ZEB1: variants seen among roughly 807,000 people sequenced by gnomAD.
The protein encoded by ZEB1 is zinc finger E-box binding homeobox 1.
In ZEB1, 21 loss-of-function variants were observed where a neutral mutation model predicts 84.9. The observed-to-expected ratio is 0.25, with a 90% CI of 0.18 to 0.36. The LOEUF (loss-of-function observed/expected upper bound fraction) is 0.36. Among genes scored for constraint, ZEB1 ranks in the 10% least tolerant of loss-of-function variants. ZEB1 has a pLI of 1.00. For synonymous variants in ZEB1, 420 were observed against 471.1 expected (o/e 0.89, Z 1.41); for missense variants, 1,104 against 1,330.2 (o/e 0.83, Z 2.65).
At chr10:31,511,444 C>G (rs2070004746) in intron 5 of ZEB1, among the ~76,000 whole-genome samples, 1 of 151,776 alleles carries the variant, frequency 6.6e-6, no homozygotes, top group Non-Finnish European at 1.5e-5. Flanking sequence ...GTCACTGTGC[C>G]CCAGTTTTCA....
At chr10:31,335,174 T>G (rs1356622408) in intron 1 of ZEB1, among the ~76,000 whole-genome samples, 1 of 152,042 alleles carries the variant, frequency 6.6e-6, no homozygotes, top group Non-Finnish European at 1.5e-5. Flanking sequence ...AATGGAAAAT[T>G]CAAGAAATAA....
chr10:31,456,271 T>G (rs2061213735), intron 1 of ZEB1, among the ~76,000 whole-genome samples: 1 of 152,038 alleles, frequency 6.6e-6, no homozygotes, highest in Non-Finnish European at 1.5e-5. Context: ...GGTGGGGGTC[T>G]AGGGGAGAAT....
intron 1 of ZEB1, among the ~76,000 whole-genome samples, chr10:31,322,960 T>G (rs569062942): frequency 7.2e-5 from 11 of 152,250 alleles, no homozygotes; most frequent in African/African-American, 2.2e-4. Context: ...ATTGGGACCT[T>G]CAGTATAATT....
chr10:31,382,552 C>T (rs561800011), intron 1 of ZEB1, among the ~76,000 whole-genome samples: 2 of 152,132 alleles, frequency 1.3e-5, no homozygotes, highest in South Asian at 4.2e-4. Context: ...TAGTACTATT[C>T]AGTGATATGT....
chr10:31,510,919 C>T (rs1343200657), intron 5 of ZEB1, 44 bp downstream of exon 5: 1 of 1,573,662 alleles, frequency 6.4e-7, no homozygotes, highest in Non-Finnish European at 8.7e-7. Flanking sequence ...CAGATTTTGA[C>T]AACTCAGCCC....
intron 1 of ZEB1, among the ~76,000 whole-genome samples, chr10:31,324,666 A>G (rs1385895202): frequency 6.6e-6 from 1 of 152,094 alleles, no homozygotes; most frequent in African/African-American, 2.4e-5. Context: ...GTGGAAATGC[A>G]TGCTCTTTAT....
At position 31,446,639 on chromosome 10, in the gene ZEB1, T is replaced by C. The variant is rs369194233; in HGVS notation, c.59-14398T>C. 2.3e-3 allele frequency among the ~76,000 whole-genome samples: 346 copies of C among 152,044 alleles called. 1 individual carries two copies. Among genetic ancestry groups the C allele is most frequent in the Non-Finnish European group, 3.9e-3 (266 of 67,948 alleles). On this transcript the variant is annotated intron_variant, in intron 1 of 8. Coordinates refer to ENST00000424869, the MANE Select transcript of ZEB1 (RefSeq NM_001174096.2). ...CTTTGTTCTCGTTGGTTTCAAAGAA[T>C]ATCTTTATTTCTGCCTTCATTTCGT... is the stretch of plus-strand genomic sequence containing the variant.
chr10:31,400,464 A>G (rs548005576), intron 1 of ZEB1, among the ~76,000 whole-genome samples: 1 of 152,180 alleles, frequency 6.6e-6, no homozygotes, highest in South Asian at 2.1e-4. Flanking sequence ...TCTTTTTTGC[A>G]CAGATCCTTA....
intron 8 of ZEB1, among the ~76,000 whole-genome samples, chr10:31,525,462 C>A (rs2073244847): frequency 6.6e-6 from 1 of 152,094 alleles, no homozygotes; most frequent in African/African-American, 2.4e-5. Context: ...TTGCAGAATT[C>A]CTGAAAATTT....
chr10:31,444,096 A>AGTTAGAC (rs2059428825), intron 1 of ZEB1, among the ~76,000 whole-genome samples: 2 of 151,248 alleles, frequency 1.3e-5, no homozygotes, highest in Non-Finnish European at 2.9e-5. Flanking sequence ...CTTTTTAATG[A>AGTTAGAC]CTGCCATTCT....
At chr10:31,363,217 A>C in intron 1 of ZEB1, 5 of 1,533,994 alleles carry the variant, frequency 3.3e-6, no homozygotes, top group Non-Finnish European at 4.4e-6. Flanking sequence ...CAGCACCTTC[A>C]AGGCCGCCTT....
chr10:31,507,465 A>G (rs982548351), intron 4 of ZEB1, among the ~76,000 whole-genome samples: 1 of 152,064 alleles, frequency 6.6e-6, no homozygotes, highest in African/African-American at 2.4e-5. Context: ...AACACATCAA[A>G]AATTCGAATA....
intron 2 of ZEB1, among the ~76,000 whole-genome samples, chr10:31,475,853 A>G (rs2064084393): frequency 6.6e-6 from 1 of 152,144 alleles, no homozygotes; most frequent in Non-Finnish European, 1.5e-5. Flanking sequence ...TAGAAACCTC[A>G]AAGATCCAAT....
intron 2 of ZEB1, among the ~76,000 whole-genome samples, chr10:31,471,998 G>A (rs550730269): frequency 1.1e-4 from 16 of 143,132 alleles, no homozygotes; most frequent in South Asian, 4.3e-4. Flanking sequence ...AAATAAAGAT[G>A]TTCTTTGAAA....
chr10:31,467,943 G>C (rs572236541), intron 2 of ZEB1, among the ~76,000 whole-genome samples: 1 of 152,270 alleles, frequency 6.6e-6, no homozygotes, highest in East Asian at 1.9e-4. Flanking sequence ...AATTGGGCCG[G>C]CTGCCAGGGT....
chr10:31,521,819 G>T lies in ZEB1; in HGVS notation c.2487G>T (p.Ala829=), dbSNP rs201567879. 1 of 1,613,492 alleles carries T rather than the reference G, an allele frequency of 6.2e-7. No individual in the cohort carries two copies. Among genetic ancestry groups the T allele is most frequent in the Non-Finnish European group, 8.5e-7 (1 of 1,179,776 alleles). ...AGAACAGTGTTCCATGCTTAAGAGCGCTAGCTGCCAATAAGCAAACGATTC... is the reference window on the plus strand; with the variant it reads ...AGAACAGTGTTCCATGCTTAAGAGCTCTAGCTGCCAATAAGCAAACGATTC... ...ADQNSVPCLR[A]LAANKQTILI... is the part of the protein sequence containing the mutation. The change falls in exon 7 of 9, where the codon GCG becomes GCT. Residue 829 remains alanine, a synonymous_variant. Transcript: ENST00000424869.
intron 1 of ZEB1, among the ~76,000 whole-genome samples, chr10:31,387,449 C>G (rs1323690946): frequency 6.6e-6 from 1 of 152,074 alleles, no homozygotes; most frequent in Non-Finnish European, 1.5e-5. Context: ...TGAAGCATGT[C>G]CTGGGGATGT....
At chr10:31,464,894 CAAAA>C (rs963211834) in intron 2 of ZEB1, among the ~76,000 whole-genome samples, 1 of 151,950 alleles carries the variant, frequency 6.6e-6, no homozygotes, top group African/African-American at 2.4e-5. Flanking sequence ...CAAGTTGAAA[CAAAA>C]GAACACTAAT....
chr10:31,437,436 AAACTC>A (rs1229213795), intron 1 of ZEB1, among the ~76,000 whole-genome samples: 5 of 152,258 alleles, frequency 3.3e-5, no homozygotes, highest in Non-Finnish European at 7.3e-5. Flanking sequence ...CAGTAAAACT[AAACTC>A]TAGTTACCTA....
Sources: gnomAD v4.1 joint callset for allele counts (sites outside exome capture counted in the v4.1 genomes callset) on GRCh38, gnomAD v4.1.1 for gene constraint, MANE v1.5 for transcripts, NCBI Gene and HGNC (gene_info 2026-07-23, HGNC 2026-07-21) for gene names.